The following MTMR8 variants were observed in gnomAD, a reference collection of about 807,000 sequenced individuals.
MTMR8 encodes the protein phosphatidylinositol-3,5-bisphosphate 3-phosphatase MTMR8.
Under a neutral mutation model 39.3 loss-of-function variants are expected in MTMR8, and 65 were observed. The observed-to-expected ratio is 1.65, with a 90% CI of 1.35 to 2.03. MTMR8 has a LOEUF of 2.03. Ranked by LOEUF, MTMR8 falls within the 30% of genes most tolerant of loss-of-function variation. MTMR8 has a pLI of 0.00. For synonymous variants in MTMR8, 245 were observed against 185.2 expected (o/e 1.32, Z -2.62); for missense variants, 777 against 538.9 (o/e 1.44, Z -4.37).
chrX:64,282,046 C>T (rs749610124), intron 12 of MTMR8, among the ~76,000 whole-genome samples: 3 of 110,493 alleles, frequency 2.7e-5, no homozygotes, highest in East Asian at 5.7e-4. Flanking sequence ...GTCAGAATGG[C>T]GATTATTAAA....
intron 6 of MTMR8, among the ~76,000 whole-genome samples, chrX:64,347,832 A>G (rs1490555213): frequency 8.9e-6 from 1 of 112,277 alleles, no homozygotes. Context: ...GCCACACAAA[A>G]CTTTGAAGGT....
chrX:64,364,322 G>A (rs147279941), intron 1 of MTMR8, among the ~76,000 whole-genome samples: 1,443 of 112,272 alleles, frequency 0.013, 28 homozygotes, highest in African/African-American at 0.043. Flanking sequence ...CTAACTGGGA[G>A]ACACCTCCCA....
At chrX:64,389,938 C>T (rs1048976707) in intron 1 of MTMR8, among the ~76,000 whole-genome samples, 3 of 111,840 alleles carry the variant, frequency 2.7e-5, no homozygotes, top group South Asian at 3.7e-4. Context: ...CTGGAAGGAT[C>T]ACAGTGAAGC....
chrX:64,389,194 A>G (rs1924635521), intron 1 of MTMR8, among the ~76,000 whole-genome samples: 1 of 111,934 alleles, frequency 8.9e-6, no homozygotes, highest in Non-Finnish European at 1.9e-5. Flanking sequence ...TGCTCTATAA[A>G]GGTTAAATAT....
At chrX:64,293,940 T>A (rs1921482214) in intron 12 of MTMR8, among the ~76,000 whole-genome samples, 1 of 111,878 alleles carries the variant, frequency 8.9e-6, no homozygotes, top group Non-Finnish European at 1.9e-5. Context: ...ACCTAAGGCT[T>A]TTATGGTATT....
intron 13 of MTMR8, 97 bp from the exon 14 acceptor site, chrX:64,269,140 T>C: frequency 1.1e-6 from 1 of 905,774 alleles, no homozygotes; most frequent in Non-Finnish European, 1.5e-6. Flanking sequence ...TGCTGTCACT[T>C]ATAATGGTAG....
In MTMR8 at chrX:64,395,377, G is replaced by A; in HGVS notation, c.-14C>T. The stretch of plus-strand genomic sequence containing the variant: ...AATATGATCCATGACTGCAGTTCCC[G>A]CCACCGGAAGATCTCAGTGCTACTC... On this transcript the variant is annotated 5_prime_UTR_variant, in exon 1 of 14. Transcript: ENST00000374852. The A allele has an allele frequency of 8.3e-7, 1 of 1,207,825 alleles. No homozygotes were observed.
At position 64,354,840 on chromosome X, in the gene MTMR8, G is replaced by A. The variant is rs770491082; in HGVS notation, c.405C>T (p.Asp135=). 5 of 1,206,350 alleles carry A rather than the reference G, an allele frequency of 4.1e-6. No homozygotes were observed. In the East Asian group the frequency reaches 8.9e-5, roughly 22 times the overall value. The change falls in exon 4 of 14, where the codon GAC becomes GAT. Residue 135 remains aspartate (D), a synonymous_variant. Transcript: ENST00000374852. The part of the protein sequence containing the change: ...SGWKLIDPIS[D]FGRMGIPNRN... ...TGTTGGGTATTCCCATACGCCCAAA[G>A]TCTGATATTGGGTCAATCAGTTTCC...
chrX:64,280,572 C>G (rs1172517825), intron 12 of MTMR8, among the ~76,000 whole-genome samples: 8 of 111,424 alleles, frequency 7.2e-5, no homozygotes, highest in African/African-American at 2.6e-4. Context: ...TTATTTATGA[C>G]AAACCCACAG....
At chrX:64,353,099 G>T (rs1206808063) in intron 4 of MTMR8, among the ~76,000 whole-genome samples, 2 of 111,754 alleles carry the variant, frequency 1.8e-5, no homozygotes, top group Non-Finnish European at 3.8e-5. Context: ...ACACATATTT[G>T]GGGGAAATAA....
intron 1 of MTMR8, among the ~76,000 whole-genome samples, chrX:64,373,436 T>C (rs140490688): frequency 0.013 from 1,424 of 111,504 alleles, 28 homozygotes; most frequent in African/African-American, 0.042. Context: ...GCTCCAGCCA[T>C]TTGAAAATAA....
intron 12 of MTMR8, among the ~76,000 whole-genome samples, chrX:64,323,711 A>ATT (rs200223212): frequency 1.8e-5 from 2 of 110,720 alleles, no homozygotes; most frequent in African/African-American, 6.6e-5. Flanking sequence ...TTTCCAGTAT[A>ATT]TTTTTTTTTA....
rs1460585060 is a variant in MTMR8 at position 64,288,621 on chromosome X, A to C, written c.1482-17548T>G. Among the ~76,000 whole-genome samples the C allele has an allele frequency of 2.7e-5, 3 of 112,175 alleles. No individual in the cohort carries two copies. In the East Asian group the frequency reaches 8.4e-4, roughly 31 times the overall value. ...TAGCAAAGACTTGGAACCAACCCAAATGTCCAACAATGATAGATTGGATTT... is the reference window on the plus strand; with the variant it reads ...TAGCAAAGACTTGGAACCAACCCAACTGTCCAACAATGATAGATTGGATTT... On this transcript the variant is annotated intron_variant, in intron 12 of 13. Transcript: ENST00000374852.
intron 12 of MTMR8, among the ~76,000 whole-genome samples, chrX:64,321,188 T>C (rs1003542447): frequency 2.7e-5 from 3 of 111,583 alleles, no homozygotes; most frequent in African/African-American, 9.8e-5. Context: ...AACAAAAACG[T>C]ATGCCCCATT....
chrX:64,323,249 C>A (rs1922702627), intron 12 of MTMR8, among the ~76,000 whole-genome samples: 1 of 112,058 alleles, frequency 8.9e-6, no homozygotes, highest in Admixed American at 9.4e-5. Context: ...AAATGGAAAC[C>A]AAGAGAGAGC....
At chrX:64,383,312 A>G (rs181715985) in intron 1 of MTMR8, among the ~76,000 whole-genome samples, 2 of 109,855 alleles carry the variant, frequency 1.8e-5, no homozygotes, top group Admixed American at 2.0e-4. Context: ...AGATATATAG[A>G]TAGATATAGC....
chrX:64,367,865 T>C (rs1380223585), intron 1 of MTMR8, among the ~76,000 whole-genome samples: 3 of 111,518 alleles, frequency 2.7e-5, no homozygotes, highest in African/African-American at 9.8e-5. Flanking sequence ...AAAACCCCAT[T>C]GTCTCAGCCC....
intron 1 of MTMR8, among the ~76,000 whole-genome samples, chrX:64,366,361 G>A (rs1230765474): frequency 3.6e-5 from 4 of 111,700 alleles, no homozygotes; most frequent in African/African-American, 1.3e-4. Context: ...TGGAAGTAAA[G>A]CACTCCTCAG....
chrX:64,332,264 C>T (rs1434534902), intron 10 of MTMR8, among the ~76,000 whole-genome samples: 1 of 111,769 alleles, frequency 8.9e-6, no homozygotes, highest in African/African-American at 3.3e-5. Flanking sequence ...ATGAATGAAA[C>T]CTCATCCCAG....
Sources: gnomAD v4.1 joint callset for allele counts (sites outside exome capture counted in the v4.1 genomes callset) on GRCh38, gnomAD v4.1.1 for gene constraint, MANE v1.5 for transcripts, NCBI Gene and HGNC (gene_info 2026-07-23, HGNC 2026-07-21) for gene names.